The following HPS4 variants were observed in gnomAD, a reference collection of about 807,000 sequenced individuals.
HPS4 encodes the protein HPS4 biogenesis of lysosomal organelles complex 3 subunit 2.
In HPS4, 44 loss-of-function variants were observed where a neutral mutation model predicts 70.3. The ratio of observed to expected loss-of-function variants is 0.63; its 90% CI spans 0.49 to 0.80. The LOEUF (loss-of-function observed/expected upper bound fraction) is 0.80, where lower values mean the gene tolerates loss of function less well. HPS4 is among the 30% of genes least tolerant of loss of function. The pLI is 0.00. For missense variants in HPS4, 873 were observed against 884.4 expected (o/e 0.99, Z 0.16); for synonymous variants, 377 against 355.9 (o/e 1.06, Z -0.67).
rs1411861367 is a variant in HPS4, at chr22:26,458,442, T to C, written c.1846+3A>G. 8 of 1,614,200 alleles carry C rather than the reference T, an allele frequency of 5.0e-6. No individual in the cohort carries two copies. Among genetic ancestry groups the C allele is most frequent in the Middle Eastern group, 1.6e-4 (1 of 6,062 alleles). On this transcript the variant is annotated splice_donor_region_variant and intron_variant, in intron 12 of 13. Transcript: ENST00000398145. ...CGCCCCAGGCCCCTTGGCTGGTTCT[T>C]ACCCATCAGCAAGCTCTGAATGCGG...
At chr22:26,446,514 G>A (rs1381914665), downstream of HPS4, among the ~76,000 whole-genome samples, 16 of 152,216 alleles carry the variant, frequency 1.1e-4, no homozygotes, top group Non-Finnish European at 1.5e-5. Flanking sequence ...TTTTTTCATT[G>A]TTCCGAGAGT....
chr22:26,460,583 C>T lies in HPS4; in HGVS notation c.1714-2006G>A, dbSNP rs575788169. 1.1e-4 allele frequency among the ~76,000 whole-genome samples: 16 copies of T among 152,366 alleles called. No homozygotes were observed. The South Asian group carries it at 2.9e-3, about 28-fold the overall frequency. ...GTTTCCCCACAGGCACGGAGCTTTG[C>T]TTCCAAAATCTTCTGCCTAACTTGC... On this transcript the variant is annotated intron_variant, in intron 11 of 13. Transcript: ENST00000398145.
At chr22:26,447,640 CAT>C (rs2084998759), downstream of HPS4, among the ~76,000 whole-genome samples, 1 of 152,138 alleles carries the variant, frequency 6.6e-6, no homozygotes, top group Non-Finnish European at 1.5e-5. Context: ...CCTTCCATAA[CAT>C]TTAACTCCCC....
chr22:26,453,521 G>T, intron 13 of HPS4, 117 bp from the exon 14 acceptor site: 1 of 1,057,678 alleles, frequency 9.5e-7, no homozygotes, highest in Non-Finnish European at 1.5e-6. Context: ...TGTGGCATGT[G>T]CAGCTGTCAT....
At chr22:26,458,270 C>T (rs1742312220) in intron 12 of HPS4, among the ~76,000 whole-genome samples, 175 bp downstream of exon 12, 1 of 152,256 alleles carries the variant, frequency 6.6e-6, no homozygotes, top group Admixed American at 6.5e-5. Context: ...GAAGCGTCTG[C>T]CCAGTGAACG....
rs1345781859 is a variant in HPS4, at chr22:26,481,854, A to T, written c.-92T>A. The T allele has an allele frequency of 8.2e-7, 1 of 1,222,236 alleles. No individual in the cohort carries two copies. The highest frequency in any genetic ancestry group is 1.5e-5 in the African/African-American group (1 of 67,616). The allele number at this position is 1,222,236 out of a possible 1,614,324, so 75.7% of individuals were successfully genotyped here. On this transcript the variant is annotated 5_prime_UTR_variant, in exon 2 of 14. Coordinates refer to ENST00000398145, the MANE Select transcript of HPS4 (RefSeq NM_022081.6). The stretch of plus-strand genomic sequence containing the variant: ...AGCTGTGACCGTTCCTCTATCCCCC[A>T]ATCCAGTGAATCTGGACGTGGTAGG...
chr22:26,472,681 A>G (rs1487539700), intron 5 of HPS4, 151 bp downstream of exon 5: 9 of 776,632 alleles, frequency 1.2e-5, no homozygotes, highest in African/African-American at 3.4e-5. Flanking sequence ...GCCCAAAGGC[A>G]TATGAGGGGC....
intron 8 of HPS4, 125 bp downstream of exon 8, chr22:26,468,426 G>A: frequency 1.3e-6 from 1 of 794,684 alleles, no homozygotes; most frequent in Non-Finnish European, 2.2e-6. Flanking sequence ...GGAGGACTTG[G>A]GGTCCTGACA....
In HPS4 at chr22:26,463,958, C is replaced by T. The variant is rs1239206185; in HGVS notation, c.1672G>A (p.Glu558Lys). 1 of 1,613,954 alleles carries T rather than the reference C, an allele frequency of 6.2e-7. No individual in the cohort carries two copies. The highest frequency in any genetic ancestry group is 8.5e-7 in the Non-Finnish European group (1 of 1,180,048). The change falls in exon 11 of 14, where the codon GAG becomes AAG. Residue 558 changes from glutamate (E) to lysine (K), a missense_variant. By Grantham distance (56) the Glu-to-Lys change is moderately conservative (BLOSUM62 1). Transcript: ENST00000398145. The stretch of plus-strand genomic sequence containing the variant: ...GCGCTGTCTCCCAGCAGCGGCTCCT[C>T]AGCCAGCAGGGACAGCACCAGCCCT... ...VKGLVLSLLA[E>K]EPLLGDSAAI...
At position 26,464,003 on chromosome 22, in the gene HPS4, G is replaced by C; in HGVS notation, c.1627C>G (p.Leu543Val). Reference sequence around the variant, plus strand: ...AGCCCTTTGACGCAGTGAGTGTAGAGATTCATCCTCACGAGCCCCATGCAG... The same window carrying C: ...AGCCCTTTGACGCAGTGAGTGTAGACATTCATCCTCACGAGCCCCATGCAG... ...ESCMGLVRMN[L>V]YTHCVKGLVL... Residue 543 changes from leucine (L) to valine (V), a missense_variant, in exon 11 of 14, where the codon CTC becomes GTC. Physicochemically the swap from Leu to Val is conservative, Grantham distance 32. Transcript: ENST00000398145. 2 of 1,614,220 alleles carry C rather than the reference G, an allele frequency of 1.2e-6. No homozygotes were observed. Among genetic ancestry groups the C allele is most frequent in the Non-Finnish European group, 8.5e-7 (1 of 1,180,038 alleles).
intron 13 of HPS4, among the ~76,000 whole-genome samples, chr22:26,454,820 G>A (rs1157524228): frequency 1.3e-5 from 2 of 152,028 alleles, no homozygotes; most frequent in East Asian, 1.9e-4. Flanking sequence ...GAAAATTTTC[G>A]CAACCTACTC....
At chr22:26,479,655 A>G (rs2091057944) in intron 2 of HPS4, 5 of 1,256,196 alleles carry the variant, frequency 4.0e-6, no homozygotes, top group Non-Finnish European at 5.0e-6. Context: ...TGAAACACTG[A>G]ACCTTAACTA....
intron 11 of HPS4, among the ~76,000 whole-genome samples, chr22:26,459,755 G>C (rs2146413762): frequency 6.6e-6 from 1 of 152,270 alleles, no homozygotes; most frequent in South Asian, 2.1e-4. Flanking sequence ...GAACAGTACG[G>C]GACTATTGAG....
rs756040543 is a variant in HPS4 at position 26,479,368 on chromosome 22, C to T, written c.42-13G>A. 6.2e-7 allele frequency: 1 copy of T among 1,613,536 alleles called. No individual in the cohort carries two copies. Among genetic ancestry groups the T allele is most frequent in the South Asian group, 1.1e-5 (1 of 90,974 alleles). ...AAAATAATTCCACCTGGCAAGAGAA[C>T]AGAGTGGAGCCATGTTTCCTTTAAT... On this transcript the variant is annotated splice_polypyrimidine_tract_variant and intron_variant, in intron 2 of 13. Transcript: ENST00000398145.
Position 26,458,454 on chromosome 22 carries a change from A to G in HPS4, c.1837T>C (p.Leu613=), listed in dbSNP as rs752467533. ...NFTHYDRIQS[L]LMANLPQVAT... ...CTTGGCTGGTTCTTACCCATCAGCA[A>G]GCTCTGAATGCGGTCGTAATGTGTG... The change falls in exon 12 of 14, where the codon TTG becomes CTG. Residue 613 remains leucine (L), a synonymous_variant. Coordinates refer to ENST00000398145, the MANE Select transcript of HPS4 (RefSeq NM_022081.6). The G allele has an allele frequency of 6.2e-7, 1 of 1,614,168 alleles. No homozygotes were observed. The highest frequency in any genetic ancestry group is 2.2e-5 in the East Asian group (1 of 44,872).
chr22:26,465,717 T>G (rs2088444768), intron 9 of HPS4, 166 bp from the exon 10 acceptor site: 1 of 632,032 alleles, frequency 1.6e-6, no homozygotes, highest in African/African-American at 1.8e-5. Context: ...CACCTCGAAC[T>G]CCTGGGCCCA....
At chr22:26,480,423 G>A (rs905981422) in intron 2 of HPS4, among the ~76,000 whole-genome samples, 4 of 152,056 alleles carry the variant, frequency 2.6e-5, no homozygotes, top group Non-Finnish European at 5.9e-5. Context: ...ATCCTGCCCT[G>A]GCCTCCCAAA....
chr22:26,462,078 A>T (rs904708848), intron 11 of HPS4, among the ~76,000 whole-genome samples: 6 of 151,606 alleles, frequency 4.0e-5, no homozygotes, highest in African/African-American at 1.5e-4. Flanking sequence ...GTGAGCTCAG[A>T]TCACACCATT....
rs1276370064 is a variant in HPS4, at chr22:26,452,408, A to G, written c.*825T>C. 1 of 454,756 alleles carries G rather than the reference A, an allele frequency of 2.2e-6. No homozygotes were observed. The highest frequency in any genetic ancestry group is 4.4e-6 in the Non-Finnish European group (1 of 226,446). The allele number at this position is 454,756 out of a possible 1,614,324, so 28.2% of individuals were successfully genotyped here. ...CCCTTTCACGCAGCCACCACTGAAA[A>G]GCACAGTGCTTTTACCCCCAGACAT... is the stretch of plus-strand genomic sequence containing the variant. On this transcript the variant is annotated 3_prime_UTR_variant, in exon 14 of 14. Coordinates refer to ENST00000398145, the MANE Select transcript of HPS4 (RefSeq NM_022081.6).
Sources: gnomAD v4.1 joint callset for allele counts (sites outside exome capture counted in the v4.1 genomes callset) on GRCh38, gnomAD v4.1.1 for gene constraint, MANE v1.5 for transcripts, NCBI Gene and HGNC (gene_info 2026-07-23, HGNC 2026-07-21) for gene names.